ALG1: variants seen among roughly 807,000 people sequenced by gnomAD.
The protein encoded by ALG1 is chitobiosyldiphosphodolichol beta-mannosyltransferase.
In ALG1, 58 loss-of-function variants were observed where a neutral mutation model predicts 55.1. The ratio of observed to expected loss-of-function variants is 1.05; its 90% CI spans 0.85 to 1.31. The LOEUF is 1.31. ALG1 is among the 50% of genes most tolerant of loss of function. The pLI is 0.00. For missense variants in ALG1, 761 were observed against 598.6 expected (o/e 1.27, Z -2.83); for synonymous variants, 309 against 247.0 (o/e 1.25, Z -2.35).
intron 10 of ALG1, 121 bp downstream of exon 10, chr16:5,081,177 TC>T: frequency 8.3e-7 from 1 of 1,210,174 alleles, no homozygotes; most frequent in Non-Finnish European, 1.1e-6. Flanking sequence ...CTGGCTGAAC[TC>T]CCAGGAGGAG....
Position 5,082,600 on chromosome 16 carries a change from G to A in ALG1, c.1114G>A (p.Gly372Ser), listed in dbSNP as rs1489969632. Reference sequence around the variant, plus strand: ...TGTCTGTCTGCACACGTCCTCCAGTGGCCTGGACCTGCCCATGAAGGTGGT... The same window carrying A: ...TGTCTGTCTGCACACGTCCTCCAGTAGCCTGGACCTGCCCATGAAGGTGGT... ...LGVCLHTSSS[G>S]LDLPMKVVDM... Residue 372 changes from glycine (G) to serine (S), a missense_variant, in exon 11 of 13, where the codon GGC (glycine) becomes AGC (serine). Gly to Ser is a moderately conservative substitution (Grantham distance 56). Transcript: ENST00000262374. 6.2e-7 allele frequency: 1 copy of A among 1,611,908 alleles called. No individual in the cohort carries two copies. Among genetic ancestry groups the A allele is most frequent in the Non-Finnish European group, 8.5e-7 (1 of 1,179,876 alleles).
chr16:5,080,877 T>C, intron 9 of ALG1, 69 bp from the exon 10 acceptor site: 1 of 1,568,298 alleles, frequency 6.4e-7, no homozygotes, highest in Non-Finnish European at 8.7e-7. Flanking sequence ...GGGGGGAGTG[T>C]CTTGGGCCTG....
intron 1 of ALG1, 53 bp from the exon 2 acceptor site, chr16:5,072,898 T>A (rs1956842151): frequency 6.6e-7 from 1 of 1,523,426 alleles, no homozygotes; most frequent in African/African-American, 1.4e-5. Context: ...GGAGATTATC[T>A]GACTTTAGAT....
intron 6 of ALG1, 49 bp downstream of exon 6, chr16:5,078,066 G>C (rs1303797557): frequency 1.9e-6 from 3 of 1,585,226 alleles, no homozygotes; most frequent in Non-Finnish European, 2.6e-6. Flanking sequence ...CCACTGCCCT[G>C]GCCTCTCCCC....
chr16:5,082,763 G>T (rs1050082733), intron 11 of ALG1, 90 bp downstream of exon 11: 10 of 1,500,058 alleles, frequency 6.7e-6, no homozygotes, highest in African/African-American at 1.4e-5. Flanking sequence ...CCACAGTGAG[G>T]CCCTGCCCCT....
chr16:5,077,030 A>T (rs180847790), intron 4 of ALG1, among the ~76,000 whole-genome samples: 133 of 151,692 alleles, frequency 8.8e-4, no homozygotes, highest in African/African-American at 3.0e-3. Context: ...CCTGACCTCA[A>T]ACGATCCACC....
chr16:5,085,740 C>CA lies in ALG1; in HGVS notation c.*860dup, dbSNP rs759443326. The CA allele has an allele frequency of 6.2e-7, 1 of 1,604,958 alleles. No homozygotes were observed. Among genetic ancestry groups the CA allele is most frequent in the African/African-American group, 1.3e-5 (1 of 74,670 alleles). ...ATCTGATCCCGGCCCGGCCTGGAAACAGAGCACATGTGTTTGAGGATGGCG... is the reference window on the plus strand; with the variant it reads ...ATCTGATCCCGGCCCGGCCTGGAAACAAGAGCACATGTGTTTGAGGATGGCG... On this transcript the variant is annotated 3_prime_UTR_variant, in exon 13 of 13. Transcript: ENST00000262374.
chr16:5,077,145 C>G (rs1230654830), intron 4 of ALG1, among the ~76,000 whole-genome samples: 1 of 151,994 alleles, frequency 6.6e-6, no homozygotes. Flanking sequence ...TACACAGTGT[C>G]CTTCTATTTA....
Position 5,085,132 on chromosome 16 carries a change from G to A in ALG1, c.*251G>A, listed in dbSNP as rs1567173864. ...CTTCACGCCCCATGCCCCTGCTAGC[G>A]TATTACTGTTCTGTGACTTCCCTGT... On this transcript the variant is annotated 3_prime_UTR_variant, in exon 13 of 13. Transcript: ENST00000262374. 3.0e-6 allele frequency: 2 copies of A among 663,796 alleles called. No homozygotes were observed. The highest frequency in any genetic ancestry group is 1.9e-5 in the South Asian group (1 of 51,560). The allele number at this position is 663,796 out of a possible 1,614,324, so 41.1% of individuals were successfully genotyped here.
At chr16:5,083,578 C>A in intron 11 of ALG1, 104 bp from the exon 12 acceptor site, 1 of 1,585,150 alleles carries the variant, frequency 6.3e-7, no homozygotes, top group South Asian at 1.1e-5. Flanking sequence ...TTCCAACCCC[C>A]AGCCTGGCTT....
intron 3 of ALG1, among the ~76,000 whole-genome samples, chr16:5,074,974 CT>C: frequency 1.3e-5 from 2 of 152,278 alleles, no homozygotes; most frequent in Admixed American, 1.3e-4. Flanking sequence ...ACAATCATAG[CT>C]TAACTGCAGC....
intron 3 of ALG1, among the ~76,000 whole-genome samples, chr16:5,074,972 A>G (rs1956882574): frequency 1.3e-5 from 2 of 152,234 alleles, no homozygotes; most frequent in Admixed American, 1.3e-4. Context: ...GCACAATCAT[A>G]GCTTAACTGC....
In ALG1 at chr16:5,073,018, G is replaced by C. The variant is rs750207402; in HGVS notation, c.276G>C (p.Gln92His). Residue 92 changes from glutamine (Q) to histidine (H), a missense_variant, in exon 2 of 13, where the codon CAG (glutamine) becomes CAC (histidine). Coordinates refer to ENST00000262374, the MANE Select transcript of ALG1 (RefSeq NM_019109.5). ...AGATTGTGGGGTTGACAGAACTTCA[G>C]AGTCTTGCAGGTAGGATGCCGTCAA... ...RIQIVGLTEL[Q>H]SLAVGPRVFQ... is the part of the protein sequence containing the mutation. 1 of 1,614,208 alleles carries C rather than the reference G, an allele frequency of 6.2e-7. No homozygotes were observed. The highest frequency in any genetic ancestry group is 8.5e-7 in the Non-Finnish European group (1 of 1,180,014).
At chr16:5,080,181 C>T (rs1345521810) in intron 9 of ALG1, among the ~76,000 whole-genome samples, 1 of 151,358 alleles carries the variant, frequency 6.6e-6, no homozygotes, top group Admixed American at 6.6e-5. Flanking sequence ...AATTCTCATG[C>T]CCCAGCCTCC....
chr16:5,085,527 C>G lies in ALG1; in HGVS notation c.*646C>G, dbSNP rs915743830. On this transcript the variant is annotated 3_prime_UTR_variant, in exon 13 of 13. Coordinates refer to ENST00000262374, the MANE Select transcript of ALG1 (RefSeq NM_019109.5). The stretch of plus-strand genomic sequence containing the variant: ...TTCCTGATTTGGAAATTAACATTCT[C>G]CAAACATTCCAGTCCAATGAAAGTT... The G allele has an allele frequency of 5.0e-5, 46 of 925,192 alleles. No homozygotes were observed. Among genetic ancestry groups the G allele is most frequent in the Non-Finnish European group, 7.2e-6 (4 of 559,342 alleles). The allele number at this position is 925,192 out of a possible 1,614,324, so 57.3% of individuals were successfully genotyped here. A position where few individuals can be genotyped will look rare whatever the true frequency, so the allele number is the denominator to read the frequency against.
At position 5,071,860 on chromosome 16, in the gene ALG1, C is replaced by T; in HGVS notation, c.11C>T (p.Ser4Leu). The stretch of plus-strand genomic sequence containing the variant: ...TGCGGGCCAGCCAAGATGGCGGCCT[C>T]ATGCTTGGTCCTGCTGGCGCTGTGT... MAA[S>L]CLVLLALCLL... is the part of the protein sequence containing the mutation. Residue 4 changes from serine (S) to leucine (L), a missense_variant, in exon 1 of 13, where the codon TCA (serine) becomes TTA (leucine). Physicochemically the swap from Ser to Leu is moderately radical, Grantham distance 145. Coordinates refer to ENST00000262374, the MANE Select transcript of ALG1 (RefSeq NM_019109.5). 1.2e-6 allele frequency: 2 copies of T among 1,604,910 alleles called. No homozygotes were observed. The highest frequency in any genetic ancestry group is 8.5e-7 in the Non-Finnish European group (1 of 1,178,776).
chr16:5,078,818 G>A lies in ALG1; in HGVS notation c.802G>A (p.Gly268Arg), dbSNP rs148611855. ...CTTCACGGAGCGGGATGCTGGGAGC[G>A]GGCTGGTGACGCGTCTCCGTGAGCG... is the stretch of plus-strand genomic sequence containing the variant. ...SAFTERDAGSGLVTRLRERPA... is the reference protein window; with the variant it reads ...SAFTERDAGSRLVTRLRERPA... Residue 268 changes from glycine (G) to arginine (R), a missense_variant, in exon 7 of 13, where the codon GGG becomes AGG. Transcript: ENST00000262374. The A allele has an allele frequency of 1.2e-4, 187 of 1,612,460 alleles. No homozygotes were observed. Among genetic ancestry groups the A allele is most frequent in the Middle Eastern group, 2.0e-4 (1 of 5,060 alleles).
Position 5,071,989 on chromosome 16 carries a change from C to G in ALG1, c.140C>G (p.Pro47Arg). 6.3e-7 allele frequency: 1 copy of G among 1,597,060 alleles called. No homozygotes were observed. The highest frequency in any genetic ancestry group is 8.5e-7 in the Non-Finnish European group (1 of 1,171,816). The change falls in exon 1 of 13, where the codon CCC becomes CGC. Residue 47 changes from proline (P) to arginine (R), a missense_variant. By Grantham distance (103) the Pro-to-Arg change is moderately radical. Coordinates refer to ENST00000262374, the MANE Select transcript of ALG1 (RefSeq NM_019109.5). ...GTGCTGGGCGACGTGGGCCGCAGCC[C>G]CCGTATGCAGTACCACGCGCTGTCG... is the stretch of plus-strand genomic sequence containing the variant. ...AVVLGDVGRSPRMQYHALSLA... is the reference protein window; with the variant it reads ...AVVLGDVGRSRRMQYHALSLA...
chr16:5,080,910 A>T, intron 9 of ALG1, 36 bp from the exon 10 acceptor site: 1 of 1,593,510 alleles, frequency 6.3e-7, no homozygotes, highest in Non-Finnish European at 8.5e-7. Flanking sequence ...AGGGACAGAG[A>T]TGGGTCCATG....
Sources: allele counts gnomAD v4.1 joint callset (sites outside exome capture counted in the v4.1 genomes callset), GRCh38; gene constraint gnomAD v4.1.1; transcripts MANE v1.5; gene names NCBI Gene and HGNC (gene_info 2026-07-23, HGNC 2026-07-21).